Variants in PRPF18 observed in about 807,000 individuals in gnomAD.
The protein encoded by PRPF18 is pre-mRNA-splicing factor 18.
Under a neutral mutation model 46.5 loss-of-function variants are expected in PRPF18, and 38 were observed. That is an observed-to-expected ratio of 0.82 (90% confidence interval 0.63 to 1.07). PRPF18 has a LOEUF of 1.07. PRPF18 is among the 50% of genes least tolerant of loss of function. The pLI is 0.00. For missense variants in PRPF18, 263 were observed against 410.0 expected, an observed-to-expected ratio of 0.64 and a Z score of 3.10; for synonymous variants, 152 against 146.7, an observed-to-expected ratio of 1.04 and a Z score of -0.26.
intron 9 of PRPF18, among the ~76,000 whole-genome samples, chr10:13,618,573 T>C (rs950152349): frequency 6.7e-6 from 1 of 149,556 alleles, no homozygotes; most frequent in African/African-American, 2.5e-5. Flanking sequence ...TTGCAGTGAT[T>C]TGTGATTGCA....
At chr10:13,614,351 A>C (rs1416236149) in intron 8 of PRPF18, among the ~76,000 whole-genome samples, 1 of 152,238 alleles carries the variant, frequency 6.6e-6, no homozygotes, top group Admixed American at 6.5e-5. Flanking sequence ...TCTTCAGAGC[A>C]TGAACTTTAT....
At chr10:13,642,716 T>G in the PRPF18 span, 96 of 152,306 alleles carry the variant, frequency 6.3e-4, no homozygotes, top group African/African-American at 2.3e-3. Context: ...AAGACTTACG[T>G]GAGGGCCCTT....
intron 9 of PRPF18, among the ~76,000 whole-genome samples, chr10:13,624,504 C>T (rs997954426): frequency 6.6e-6 from 1 of 152,198 alleles, no homozygotes; most frequent in African/African-American, 2.4e-5. Flanking sequence ...GATAAGTAGT[C>T]CAGAGGTTGC....
intron 6 of PRPF18, 129 bp downstream of exon 6, chr10:13,611,812 G>A (rs2133699609): frequency 1.5e-6 from 1 of 682,686 alleles, no homozygotes; most frequent in African/African-American, 1.8e-5. Flanking sequence ...CATACATGAT[G>A]TTTATGATAT....
Position 13,600,278 on chromosome 10 carries a change from C to T in PRPF18, c.179C>T (p.Thr60Ile). The T allele has an allele frequency of 2.5e-6, 4 of 1,611,960 alleles. No homozygotes were observed. The highest frequency in any genetic ancestry group is 3.4e-6 in the Non-Finnish European group (4 of 1,179,032). ...QPKEEDQKPL[T>I]SSNPVLELEL... ...AAAGAGGAGGACCAGAAACCATTAACTTCATCGAATCCAGTGTTAGAACTT... is the reference window on the plus strand; with the variant it reads ...AAAGAGGAGGACCAGAAACCATTAATTTCATCGAATCCAGTGTTAGAACTT... Residue 60 changes from threonine (T) to isoleucine (I), a missense_variant, in exon 3 of 10, where the codon ACT becomes ATT. Coordinates refer to ENST00000378572, the MANE Select transcript of PRPF18 (RefSeq NM_003675.4).
At chr10:13,591,565 C>T (rs1414701706) in intron 1 of PRPF18, 2 of 712,248 alleles carry the variant, frequency 2.8e-6, no homozygotes, top group East Asian at 2.6e-5. Flanking sequence ...TTTGTGACTC[C>T]ACAGCTTTCT....
At chr10:13,589,772 T>A (rs1034985241) in intron 1 of PRPF18, among the ~76,000 whole-genome samples, 5 of 152,174 alleles carry the variant, frequency 3.3e-5, no homozygotes, top group African/African-American at 1.2e-4. Flanking sequence ...TAAGTTAGAG[T>A]TCTTAGCTTG....
intron 9 of PRPF18, among the ~76,000 whole-genome samples, chr10:13,626,970 G>A (rs1344250796): frequency 1.3e-5 from 2 of 152,026 alleles, no homozygotes; most frequent in African/African-American, 4.8e-5. Context: ...GCTGCCACTG[G>A]GTCCAGCCAC....
chr10:13,594,546 C>G (rs567367137), intron 1 of PRPF18, among the ~76,000 whole-genome samples: 1 of 152,132 alleles, frequency 6.6e-6, no homozygotes, highest in South Asian at 2.1e-4. Context: ...ATCTTTTTAC[C>G]TAGATGTGAT....
At chr10:13,634,965 T>C (rs2080623556), downstream of PRPF18, among the ~76,000 whole-genome samples, 1 of 152,122 alleles carries the variant, frequency 6.6e-6, no homozygotes, top group Non-Finnish European at 1.5e-5. Context: ...TGTGTCATGG[T>C]GGTTTGCTGC....
At chr10:13,599,589 C>T (rs1033593349) in intron 2 of PRPF18, among the ~76,000 whole-genome samples, 6 of 152,174 alleles carry the variant, frequency 3.9e-5, no homozygotes, top group African/African-American at 1.4e-4. Context: ...GTTTTTCCTA[C>T]AGGTTCATAT....
At chr10:13,627,949 C>T (rs1249353202) in intron 9 of PRPF18, among the ~76,000 whole-genome samples, 2 of 152,100 alleles carry the variant, frequency 1.3e-5, no homozygotes. Flanking sequence ...CTGACTTTGC[C>T]CCTCTTCTCA....
intron 4 of PRPF18, among the ~76,000 whole-genome samples, chr10:13,609,174 A>G (rs1030098196): frequency 2.0e-5 from 3 of 152,144 alleles, no homozygotes; most frequent in Non-Finnish European, 4.4e-5. Flanking sequence ...TTCAAAGCTC[A>G]TCGTCCATTT....
At chr10:13,636,332 TTGTG>T in the PRPF18 span, among the ~76,000 whole-genome samples, 3 of 152,106 alleles carry the variant, frequency 2.0e-5, no homozygotes, top group African/African-American at 7.2e-5. Flanking sequence ...GGTGGAAGGA[TTGTG>T]TGAGCCCAGG....
chr10:13,597,527 G>C lies in PRPF18; in HGVS notation c.136G>C (p.Gly46Arg). 6.2e-7 allele frequency: 1 copy of C among 1,610,704 alleles called. No individual in the cohort carries two copies. ...AGAGGAAGCATATTTTGAAAGATGTGGCTACAAGGTATGAATGTCTGCTTT... is the reference window on the plus strand; with the variant it reads ...AGAGGAAGCATATTTTGAAAGATGTCGCTACAAGGTATGAATGTCTGCTTT... ...KEEEAYFERC[G>R]YKIQPKEEDQ... The change falls in exon 2 of 10, where the codon GGC becomes CGC. Residue 46 changes from glycine to arginine, a missense_variant. Around this residue, in one of 4 missense-constraint regions of PRPF18, gnomAD observed 71 missense variants for 69.2 expected, o/e 1.03. Coordinates refer to ENST00000378572, the MANE Select transcript of PRPF18 (RefSeq NM_003675.4).
chr10:13,654,584 G>T, the PRPF18 span: 1 of 946,324 alleles, frequency 1.1e-6, no homozygotes, highest in Non-Finnish European at 1.7e-6. Flanking sequence ...CTTGCGACTT[G>T]TTGGCTGACA....
At chr10:13,653,010 CCAGG>C in the PRPF18 span, 37 of 152,052 alleles carry the variant, frequency 2.4e-4, no homozygotes, top group African/African-American at 8.9e-4. Flanking sequence ...AGACTTTGGG[CCAGG>C]CACTTAGTTC....
the PRPF18 span, chr10:13,649,242 T>C: frequency 3.9e-5 from 6 of 152,332 alleles, no homozygotes; most frequent in East Asian, 1.9e-4. Context: ...TATGTATTGA[T>C]CATAAAGGCT....
chr10:13,611,187 C>CT lies in PRPF18; in HGVS notation c.511-410dup, dbSNP rs35441441. On this transcript the variant is annotated intron_variant, in intron 5 of 9. Coordinates refer to ENST00000378572, the MANE Select transcript of PRPF18 (RefSeq NM_003675.4). Reference sequence around the variant, plus strand: ...ATTGGTATGGGCAACCAGTTGTGGGCTTTTTTTTTTTTTTTTTTCCTATTG... The same window carrying CT: ...ATTGGTATGGGCAACCAGTTGTGGGCTTTTTTTTTTTTTTTTTTTCCTATTG... 3.0e-3 allele frequency among the ~76,000 whole-genome samples: 368 copies of CT among 120,960 alleles called. 1 individual carries two copies. The highest frequency in any genetic ancestry group is 4.7e-3 in the Middle Eastern group (1 of 214). The allele number at this position is 120,960 out of a possible 152,430, so 79.4% of individuals were successfully genotyped here.
Sources: gnomAD v4.1 joint callset for allele counts (sites outside exome capture counted in the v4.1 genomes callset) on GRCh38, gnomAD v4.1.1 for gene constraint, gnomAD v4.1.1 regional missense constraint, MANE v1.5 for transcripts, NCBI Gene and HGNC (gene_info 2026-07-23, HGNC 2026-07-21) for gene names.